FBXL7: variants seen among roughly 807,000 people sequenced by gnomAD.
The protein encoded by FBXL7 is F-box and leucine rich repeat protein 7, also known as F-box/LRR-repeat protein 7.
In FBXL7, 12 loss-of-function variants were observed where a neutral mutation model predicts 38.3. That is an observed-to-expected ratio of 0.31 (90% CI 0.20 to 0.51). The LOEUF is 0.51. Among genes scored for constraint, FBXL7 ranks in the 20% least tolerant of loss-of-function variants. The pLI, the probability that FBXL7 is intolerant of heterozygous loss-of-function variation, is 0.98. For missense variants in FBXL7, 567 were observed against 676.4 expected, an observed-to-expected ratio of 0.84 and a Z score of 1.79; for synonymous variants, 297 against 300.9, an observed-to-expected ratio of 0.99 and a Z score of 0.13.
intron 1 of FBXL7, among the ~76,000 whole-genome samples, chr5:15,613,193 A>G (rs916449792): frequency 1.3e-5 from 2 of 152,192 alleles, no homozygotes; most frequent in Non-Finnish European, 2.9e-5. Context: ...AATGGACTCA[A>G]AGAATTATAG....
rs186186528 is a variant in FBXL7 at position 15,831,247 on chromosome 5, G to T, written c.128-96643G>T. The stretch of plus-strand genomic sequence containing the variant: ...TTGTCTCAGGTATCTGAGAAGAGGT[G>T]GGAAAGGGAGTAGACAAGGCATTTT... On this transcript the variant is annotated intron_variant, in intron 2 of 3. Transcript: ENST00000504595. Among the ~76,000 whole-genome samples the T allele has an allele frequency of 3.3e-5, 5 of 152,270 alleles. No individual in the cohort carries two copies. The East Asian group carries it at 9.7e-4, about 29-fold the overall frequency.
chr5:15,828,732 T>C (rs1738379293), intron 2 of FBXL7, among the ~76,000 whole-genome samples: 1 of 152,194 alleles, frequency 6.6e-6, no homozygotes, highest in Non-Finnish European at 1.5e-5. Context: ...GTTTAGTCTC[T>C]CCCTGACTTG....
intron 1 of FBXL7, among the ~76,000 whole-genome samples, chr5:15,532,151 C>T (rs1737450240): frequency 6.6e-6 from 1 of 152,190 alleles, no homozygotes; most frequent in African/African-American, 2.4e-5. Flanking sequence ...TATATTTTTA[C>T]TGAACGTCTG....
At chr5:15,627,383 C>T (rs1026179159) in intron 2 of FBXL7, among the ~76,000 whole-genome samples, 3 of 151,994 alleles carry the variant, frequency 2.0e-5, no homozygotes, top group African/African-American at 7.2e-5. Flanking sequence ...TCAGTGGAAG[C>T]GTGGAAAGGA....
chr5:15,709,717 C>T (rs956044922), intron 2 of FBXL7, among the ~76,000 whole-genome samples: 2 of 152,038 alleles, frequency 1.3e-5, no homozygotes, highest in African/African-American at 4.8e-5. Flanking sequence ...ATACCTGAGA[C>T]TAGGTAATTT....
intron 2 of FBXL7, among the ~76,000 whole-genome samples, chr5:15,839,547 G>C (rs746671404): frequency 1.4e-4 from 22 of 151,790 alleles, no homozygotes; most frequent in Non-Finnish European, 2.5e-4. Context: ...TATGTGCCCT[G>C]ATCAATGTAT....
chr5:15,698,151 T>C (rs1743397012), intron 2 of FBXL7, among the ~76,000 whole-genome samples: 1 of 152,002 alleles, frequency 6.6e-6, no homozygotes, highest in Admixed American at 6.6e-5. Context: ...TTTAGAAAAA[T>C]CACCAAGAAA....
intron 1 of FBXL7, among the ~76,000 whole-genome samples, chr5:15,586,514 T>A (rs1238844285): frequency 6.6e-6 from 1 of 152,032 alleles, no homozygotes; most frequent in African/African-American, 2.4e-5. Context: ...ACAAGGTTAT[T>A]ACTTTTGGAC....
At chr5:15,831,124 T>C (rs1262547892) in intron 2 of FBXL7, among the ~76,000 whole-genome samples, 1 of 152,322 alleles carries the variant, frequency 6.6e-6, no homozygotes, top group East Asian at 1.9e-4. Flanking sequence ...GCTGCTATCA[T>C]TGTGACTCTT....
chr5:15,619,480 G>T (rs753201805), intron 2 of FBXL7, among the ~76,000 whole-genome samples: 2 of 152,160 alleles, frequency 1.3e-5, no homozygotes, highest in Non-Finnish European at 2.9e-5. Context: ...CTGCTTCTCG[G>T]ATTCTCTTCC....
chr5:15,510,150 G>A (rs1432254925), intron 1 of FBXL7, among the ~76,000 whole-genome samples: 2 of 152,178 alleles, frequency 1.3e-5, no homozygotes, highest in African/African-American at 2.4e-5. Context: ...TTAGCACTGC[G>A]TGAACTCATA....
intron 1 of FBXL7, among the ~76,000 whole-genome samples, chr5:15,528,350 C>T (rs377728499): frequency 2.0e-5 from 3 of 152,150 alleles, no homozygotes; most frequent in African/African-American, 7.2e-5. Flanking sequence ...TATGACTTGA[C>T]TTCTTACCTT....
intron 2 of FBXL7, among the ~76,000 whole-genome samples, chr5:15,647,608 T>TTAC (rs569178645): frequency 3.9e-4 from 59 of 152,340 alleles, no homozygotes; most frequent in African/African-American, 1.4e-3. Context: ...CCTTTCATAC[T>TTAC]TACTTCTTTT....
chr5:15,713,626 G>C (rs139472713), intron 2 of FBXL7, among the ~76,000 whole-genome samples: 167 of 152,286 alleles, frequency 1.1e-3, no homozygotes, highest in African/African-American at 3.8e-3. Flanking sequence ...AAACATGTCA[G>C]TAGCATGATT....
At chr5:15,832,227 C>G (rs1738477097) in intron 2 of FBXL7, among the ~76,000 whole-genome samples, 2 of 152,128 alleles carry the variant, frequency 1.3e-5, no homozygotes, top group African/African-American at 4.8e-5. Flanking sequence ...ATGGAGGAAG[C>G]TATTTATGCT....
intron 1 of FBXL7, among the ~76,000 whole-genome samples, chr5:15,556,057 C>CT (rs1738228470): frequency 6.6e-6 from 1 of 150,516 alleles, no homozygotes; most frequent in Admixed American, 6.6e-5. Flanking sequence ...TATTATCTAT[C>CT]ATTATCTTCA....
At chr5:15,596,150 C>G (rs1739619814) in intron 1 of FBXL7, among the ~76,000 whole-genome samples, 1 of 152,192 alleles carries the variant, frequency 6.6e-6, no homozygotes, top group Non-Finnish European at 1.5e-5. Context: ...GGACTGTTGA[C>G]TCAACTGCAT....
At chr5:15,570,685 T>G (rs1462626316) in intron 1 of FBXL7, among the ~76,000 whole-genome samples, 1 of 152,186 alleles carries the variant, frequency 6.6e-6, no homozygotes, top group Non-Finnish European at 1.5e-5. Flanking sequence ...AGAAGTACCT[T>G]CCAGGGTGGT....
At chr5:15,556,102 T>C (rs28418907) in intron 1 of FBXL7, among the ~76,000 whole-genome samples, 36 of 119,340 alleles carry the variant, frequency 3.0e-4, no homozygotes, top group South Asian at 5.3e-4. Context: ...TATCTACCTA[T>C]CTATCTATCT....
Sources: allele counts gnomAD v4.1 joint callset (sites outside exome capture counted in the v4.1 genomes callset), GRCh38; gene constraint gnomAD v4.1.1; transcripts MANE v1.5; gene names NCBI Gene and HGNC (gene_info 2026-07-23, HGNC 2026-07-21).